RGS7: variants seen among roughly 807,000 people sequenced by gnomAD.
RGS7 encodes regulator of G protein signaling 7.
In RGS7, 27 loss-of-function variants were observed where a neutral mutation model predicts 81.1. That is an observed-to-expected ratio of 0.33 (90% CI 0.25 to 0.46). The LOEUF (loss-of-function observed/expected upper bound fraction) is 0.46, where lower values mean the gene tolerates loss of function less well. Ranked by LOEUF, RGS7 falls within the 20% of genes least tolerant of loss-of-function variation. The pLI, the probability that RGS7 is intolerant of heterozygous loss-of-function variation, is 1.00. For synonymous variants in RGS7, 208 were observed against 207.7 expected, an observed-to-expected ratio of 1.00 and a Z score of -0.01; for missense variants, 396 against 607.4, an observed-to-expected ratio of 0.65 and a Z score of 3.66.
At chr1:241,167,606 C>T (rs2070369326) in intron 2 of RGS7, among the ~76,000 whole-genome samples, 2 of 152,026 alleles carry the variant, frequency 1.3e-5, no homozygotes, top group Admixed American at 6.6e-5. Context: ...GCAACCTCCA[C>T]CTCCTTGGTT....
chr1:240,981,065 GTTTCTTA>G (rs1684839784), intron 4 of RGS7, among the ~76,000 whole-genome samples: 1 of 151,894 alleles, frequency 6.6e-6, no homozygotes, highest in African/African-American at 2.4e-5. Context: ...GATTTTTCCT[GTTTCTTA>G]GATTTTTACT....
At chr1:240,825,486 G>C (rs983943413) in intron 10 of RGS7, among the ~76,000 whole-genome samples, 1 of 152,114 alleles carries the variant, frequency 6.6e-6, no homozygotes, top group Admixed American at 6.5e-5. Flanking sequence ...GGAAAATAAG[G>C]GTATACCTGT....
At chr1:240,810,994 G>T (rs1689751628) in intron 14 of RGS7, among the ~76,000 whole-genome samples, 1 of 152,196 alleles carries the variant, frequency 6.6e-6, no homozygotes. Flanking sequence ...CATGCGACAT[G>T]TGTCAGCGTC....
chr1:241,277,420 C>A (rs1035561383), intron 2 of RGS7, among the ~76,000 whole-genome samples: 3 of 152,070 alleles, frequency 2.0e-5, no homozygotes, highest in Admixed American at 2.0e-4. Context: ...GAGATCGAGA[C>A]CATCCTGGCT....
Position 240,946,751 on chromosome 1 carries a change from T to C in RGS7, c.227-10045A>G, listed in dbSNP as rs542753556. Among the ~76,000 whole-genome samples, 3 of 152,306 alleles carry C rather than the reference T, an allele frequency of 2.0e-5. No homozygotes were observed. The South Asian group carries it at 6.2e-4, about 32-fold the overall frequency. On this transcript the variant is annotated intron_variant, in intron 4 of 18. Transcript: ENST00000440928. ...GAGGTGGGGGACTGGGACAGGCTGG[T>C]CAATGGGTACAAAATTACACTTAGG... is the stretch of plus-strand genomic sequence containing the variant.
chr1:240,996,946 AGTTT>A (rs1293860122), intron 3 of RGS7, among the ~76,000 whole-genome samples: 8 of 151,194 alleles, frequency 5.3e-5, no homozygotes, highest in East Asian at 3.9e-4. Context: ...CAATTTTCTA[AGTTT>A]GTTTGTTTGT....
intron 2 of RGS7, among the ~76,000 whole-genome samples, chr1:241,200,758 G>A (rs532150792): frequency 6.6e-6 from 1 of 152,238 alleles, no homozygotes; most frequent in Non-Finnish European, 1.5e-5. Context: ...GCTTAGTTTA[G>A]TTTCTGTTCA....
intron 3 of RGS7, among the ~76,000 whole-genome samples, chr1:241,050,939 CT>C (rs1369240135): frequency 1.3e-5 from 2 of 152,092 alleles, no homozygotes; most frequent in Admixed American, 1.3e-4. Flanking sequence ...AGCAGCCAAG[CT>C]TTTGGGGAGT....
chr1:241,286,910 C>G (rs2078841304), intron 2 of RGS7, among the ~76,000 whole-genome samples: 1 of 152,168 alleles, frequency 6.6e-6, no homozygotes, highest in African/African-American at 2.4e-5. Flanking sequence ...CAAATCCCTG[C>G]AAAGACTCTG....
At chr1:241,117,009 T>A (rs1232939466) in intron 2 of RGS7, among the ~76,000 whole-genome samples, 1 of 152,066 alleles carries the variant, frequency 6.6e-6, no homozygotes, top group Admixed American at 6.6e-5. Context: ...CCGATAGATG[T>A]AAGGTTACAC....
chr1:240,936,726 A>G lies in RGS7; in HGVS notation c.227-20T>C. 1 of 1,572,896 alleles carries G rather than the reference A, an allele frequency of 6.4e-7. No homozygotes were observed. The highest frequency in any genetic ancestry group is 8.8e-7 in the Non-Finnish European group (1 of 1,142,526). ...CCTCCACTGTTTTATGAAAACAAAC[A>G]AAGAACATAAAAAAGCCTTTTAAAT... is the stretch of plus-strand genomic sequence containing the variant. On this transcript the variant is annotated intron_variant, in intron 4 of 18. Transcript: ENST00000440928.
At chr1:241,356,844 G>A (rs1168667352) in intron 1 of RGS7, 55 bp downstream of exon 1, 1 of 151,008 alleles carries the variant, frequency 6.6e-6, no homozygotes, top group Non-Finnish European at 1.5e-5. Flanking sequence ...GCGGGCCGGG[G>A]GCCGGGAGGG....
chr1:241,021,162 G>A (rs1344050650), intron 3 of RGS7, among the ~76,000 whole-genome samples: 4 of 152,084 alleles, frequency 2.6e-5, no homozygotes, highest in Admixed American at 6.6e-5. Context: ...CAGTAACAAT[G>A]AGCAATTTAC....
At chr1:241,344,213 C>A (rs1482121140) in intron 2 of RGS7, among the ~76,000 whole-genome samples, 1 of 152,190 alleles carries the variant, frequency 6.6e-6, no homozygotes, top group African/African-American at 2.4e-5. Flanking sequence ...ATTTCCTCCA[C>A]TCTTGTATTC....
At chr1:241,302,982 C>T (rs536740311) in intron 2 of RGS7, among the ~76,000 whole-genome samples, 1 of 147,060 alleles carries the variant, frequency 6.8e-6, no homozygotes, top group South Asian at 2.1e-4. Context: ...TGCCACTCTT[C>T]CCACTCACGG....
chr1:241,241,515 G>A (rs1007282892), intron 2 of RGS7, among the ~76,000 whole-genome samples: 2 of 152,134 alleles, frequency 1.3e-5, no homozygotes, highest in African/African-American at 4.8e-5. Context: ...TGTCTGTGGA[G>A]CTGCCCCCTT....
chr1:240,941,191 C>A (rs1240905074), intron 4 of RGS7, among the ~76,000 whole-genome samples: 1 of 152,164 alleles, frequency 6.6e-6, no homozygotes. Flanking sequence ...GAGTCACACA[C>A]ATTTCATATG....
intron 2 of RGS7, among the ~76,000 whole-genome samples, chr1:241,112,201 A>G (rs1558734285): frequency 6.6e-6 from 1 of 152,164 alleles, no homozygotes; most frequent in South Asian, 2.1e-4. Flanking sequence ...GGCTAAAAAT[A>G]TATATTTTTA....
intron 2 of RGS7, among the ~76,000 whole-genome samples, chr1:241,282,771 T>C (rs1223503785): frequency 3.3e-5 from 5 of 152,208 alleles, no homozygotes; most frequent in Admixed American, 2.0e-4. Flanking sequence ...TTTTTTATCA[T>C]AAATGGGTGT....
Sources: allele counts gnomAD v4.1 joint callset (sites outside exome capture counted in the v4.1 genomes callset), GRCh38; gene constraint gnomAD v4.1.1; transcripts MANE v1.5; gene names NCBI Gene and HGNC (gene_info 2026-07-23, HGNC 2026-07-21).